CCER1: variants seen among roughly 807,000 people sequenced by gnomAD.
CCER1 encodes the protein coiled-coil domain-containing glutamate-rich protein 1.
For synonymous variants in CCER1, 246 were observed against 213.8 expected (o/e 1.15, Z -1.31); for missense variants, 573 against 524.5 (o/e 1.09, Z -0.90).
rs370409256 is a variant in CCER1 at position 90,953,803 on chromosome 12, C to T, written c.940G>A (p.Val314Ile). ...EEEVEDEEEEVEDEEEEEVEE... is the reference protein window; with the variant it reads ...EEEVEDEEEEIEDEEEEEVEE... ...ACCTCTTCTTCCTCCTCATCTTCGA[C>T]CTCTTCCTCCTCATCTTCGACCTCT... Residue 314 changes from valine (V) to isoleucine (I), a missense_variant, in exon 1 of 1, where the codon GTC (valine) becomes ATC (isoleucine). Transcript: ENST00000358859. 1.1e-5 allele frequency: 16 copies of T among 1,501,594 alleles called. No homozygotes were observed. The East Asian group carries it at 2.9e-4, about 27-fold the overall frequency. The allele number at this position is 1,501,594 out of a possible 1,614,324, so 93.0% of individuals were successfully genotyped here. A position where few individuals can be genotyped will look rare whatever the true frequency, so the allele number is the denominator to read the frequency against.
rs1383568927 is a variant in CCER1 at position 90,952,346 on chromosome 12, G to A, written c.*1176C>T. The stretch of plus-strand genomic sequence containing the variant: ...CTTCAACAAATAAATGCTAACTTGT[G>A]GTTCAAAGTCAAAAGATTTAATTTC... On this transcript the variant is annotated 3_prime_UTR_variant, in exon 1 of 1. Transcript: ENST00000358859. 6.6e-6 allele frequency: 1 copy of A among 152,480 alleles called. No individual in the cohort carries two copies. Among genetic ancestry groups the A allele is most frequent in the Non-Finnish European group, 1.5e-5 (1 of 68,020 alleles). The allele number at this position is 152,480 out of a possible 1,614,324, so 9.4% of individuals were successfully genotyped here.
chr12:90,954,863 G>C lies in CCER1; in HGVS notation c.-121C>G. ...CCTGTCTCTCCACGCAGCGCCACGT[G>C]TCTACCCCTGGGATCACGTTTTCCT... On this transcript the variant is annotated 5_prime_UTR_variant, in exon 1 of 1. Transcript: ENST00000358859. The C allele has an allele frequency of 6.9e-7, 1 of 1,453,654 alleles. No individual in the cohort carries two copies. Among genetic ancestry groups the C allele is most frequent in the Non-Finnish European group, 9.1e-7 (1 of 1,099,858 alleles). 90.0% of individuals were successfully genotyped at this position (1,453,654 alleles called of 1,614,324 possible). A position where few individuals can be genotyped will look rare whatever the true frequency, so the allele number is the denominator to read the frequency against.
chr12:90,954,820 A>G lies in CCER1; in HGVS notation c.-78T>C. The G allele has an allele frequency of 6.8e-7, 1 of 1,477,382 alleles. No individual in the cohort carries two copies. The highest frequency in any genetic ancestry group is 9.0e-7 in the Non-Finnish European group (1 of 1,109,892). 91.5% of individuals were successfully genotyped at this position (1,477,382 alleles called of 1,614,324 possible). ...AGTTTTGCCAGGTAGGACGGTCAGA[A>G]GAGCCTCGTCTCGTCAACCTGTCTC... On this transcript the variant is annotated 5_prime_UTR_variant, in exon 1 of 1. Coordinates refer to ENST00000358859, the MANE Select transcript of CCER1 (RefSeq NM_152638.4).
chr12:90,953,874 T>C lies in CCER1; in HGVS notation c.869A>G (p.Tyr290Cys), dbSNP rs756531709. The change falls in exon 1 of 1, where the codon TAT becomes TGT. Residue 290 changes from tyrosine to cysteine, a missense_variant. Tyr to Cys is a radical substitution (Grantham distance 194, BLOSUM62 -2). Coordinates refer to ENST00000358859, the MANE Select transcript of CCER1 (RefSeq NM_152638.4). ...CTTTGCATCACACACCTCCTGGTCA[T>C]ACTCCTCCTCATCATCATTTTTCTT... ...EEKKNDDEEE[Y>C]DQEVCDAKEA... 3.1e-6 allele frequency: 5 copies of C among 1,612,040 alleles called. No individual in the cohort carries two copies. In the African/African-American group the frequency reaches 6.7e-5, roughly 22 times the overall value.
rs1876615558 is a variant in CCER1 at position 90,955,023 on chromosome 12, G to T, written c.-281C>A. 4 of 540,438 alleles carry T rather than the reference G, an allele frequency of 7.4e-6. No individual in the cohort carries two copies. In the East Asian group the frequency reaches 1.3e-4, roughly 18 times the overall value. The allele number at this position is 540,438 out of a possible 1,614,324, so 33.5% of individuals were successfully genotyped here. A position where few individuals can be genotyped will look rare whatever the true frequency, so the allele number is the denominator to read the frequency against. On this transcript the variant is annotated 5_prime_UTR_variant, in exon 1 of 1. Coordinates refer to ENST00000358859, the MANE Select transcript of CCER1 (RefSeq NM_152638.4). ...AAGGATGGTGGGGGAGGAAGGTGTT[G>T]GCAGGCGACACGCAGTGAGACCCAC...
Position 90,954,987 on chromosome 12 carries a change from T to C in CCER1, c.-245A>G, listed in dbSNP as rs1225137177. 1.8e-5 allele frequency: 12 copies of C among 676,720 alleles called. No homozygotes were observed. The highest frequency in any genetic ancestry group is 1.3e-4 in the Admixed American group (4 of 31,328). The allele number at this position is 676,720 out of a possible 1,614,324, so 41.9% of individuals were successfully genotyped here. A position where few individuals can be genotyped will look rare whatever the true frequency, so the allele number is the denominator to read the frequency against. On this transcript the variant is annotated 5_prime_UTR_variant, in exon 1 of 1. Transcript: ENST00000358859. ...CTCGCCCAGGTGTGCTGGGTGGGAC[T>C]GGGGCTGGGTAAGGATGGTGGGGGA...
chr12:90,955,029 C>A lies in CCER1; in HGVS notation c.-287G>T. ...GGTGGGGGAGGAAGGTGTTGGCAGG[C>A]GACACGCAGTGAGACCCACTCCCGG... On this transcript the variant is annotated 5_prime_UTR_variant, in exon 1 of 1. Transcript: ENST00000358859. 1.9e-6 allele frequency: 1 copy of A among 519,494 alleles called. No individual in the cohort carries two copies. Among genetic ancestry groups the A allele is most frequent in the East Asian group, 3.5e-5 (1 of 28,496 alleles). 32.2% of individuals were successfully genotyped at this position (519,494 alleles called of 1,614,324 possible).
Position 90,954,810 on chromosome 12 carries a change from G to A in CCER1, c.-68C>T. 6.7e-7 allele frequency: 1 copy of A among 1,488,724 alleles called. No homozygotes were observed. The highest frequency in any genetic ancestry group is 9.0e-7 in the Non-Finnish European group (1 of 1,114,940). The allele number at this position is 1,488,724 out of a possible 1,614,324, so 92.2% of individuals were successfully genotyped here. A position where few individuals can be genotyped will look rare whatever the true frequency, so the allele number is the denominator to read the frequency against. On this transcript the variant is annotated 5_prime_UTR_variant, in exon 1 of 1. Coordinates refer to ENST00000358859, the MANE Select transcript of CCER1 (RefSeq NM_152638.4). ...GCTGTCGTCAAGTTTTGCCAGGTAGGACGGTCAGAAGAGCCTCGTCTCGTC... is the reference window on the plus strand; with the variant it reads ...GCTGTCGTCAAGTTTTGCCAGGTAGAACGGTCAGAAGAGCCTCGTCTCGTC...
chr12:90,954,258 G>A lies in CCER1; in HGVS notation c.485C>T (p.Pro162Leu), dbSNP rs200199546. 126 of 1,603,484 alleles carry A rather than the reference G, an allele frequency of 7.9e-5. No individual in the cohort carries two copies. Among genetic ancestry groups the A allele is most frequent in the Non-Finnish European group, 8.1e-5 (95 of 1,178,966 alleles). Residue 162 changes from proline to leucine, a missense_variant, in exon 1 of 1, where the codon CCG (proline) becomes CTG (leucine). Transcript: ENST00000358859. ...HHPRHSYPRSPPADVSTLPRP... is the reference protein window; with the variant it reads ...HHPRHSYPRSLPADVSTLPRP... ...CGGCAGCGTGCTCACATCCGCTGGC[G>A]GGCTCCGCGGGTAGGAGTGGCGAGG...
chr12:90,954,530 G>C lies in CCER1; in HGVS notation c.213C>G (p.His71Gln). ...GPPRKQPKQQHGPGFWFQPPV... is the reference protein window; with the variant it reads ...GPPRKQPKQQQGPGFWFQPPV... Reference sequence around the variant, plus strand: ...GTGGTTGGAACCAAAAGCCCGGGCCGTGCTGTTGCTTCGGCTGCTTCCTTG... The same window carrying C: ...GTGGTTGGAACCAAAAGCCCGGGCCCTGCTGTTGCTTCGGCTGCTTCCTTG... The change falls in exon 1 of 1, where the codon CAC becomes CAG. Residue 71 changes from histidine to glutamine, a missense_variant. His to Gln is a conservative substitution (Grantham distance 24, BLOSUM62 0). Coordinates refer to ENST00000358859, the MANE Select transcript of CCER1 (RefSeq NM_152638.4). 6.2e-7 allele frequency: 1 copy of C among 1,613,208 alleles called. No homozygotes were observed. The highest frequency in any genetic ancestry group is 8.5e-7 in the Non-Finnish European group (1 of 1,179,328).
In CCER1 at chr12:90,954,048, C is replaced by T; in HGVS notation, c.695G>A (p.Gly232Glu). Residue 232 changes from glycine to glutamate, a missense_variant, in exon 1 of 1, where the codon GGA (glycine) becomes GAA (glutamate). Transcript: ENST00000358859. ...SGEASPARSS[G>E]NDAPPGGSKE... Reference sequence around the variant, plus strand: ...GCTGCCGCCAGGGGGCGCGTCGTTTCCGGAGGATCTGGCTGGGGAGGCCTC... The same window carrying T: ...GCTGCCGCCAGGGGGCGCGTCGTTTTCGGAGGATCTGGCTGGGGAGGCCTC... 1 of 1,614,156 alleles carries T rather than the reference C, an allele frequency of 6.2e-7. No homozygotes were observed. Among genetic ancestry groups the T allele is most frequent in the Non-Finnish European group, 8.5e-7 (1 of 1,180,044 alleles).
In CCER1 at chr12:90,953,393, G is replaced by C; in HGVS notation, c.*129C>G. The C allele has an allele frequency of 8.9e-7, 1 of 1,121,690 alleles. No individual in the cohort carries two copies. Among genetic ancestry groups the C allele is most frequent in the Non-Finnish European group, 1.2e-6 (1 of 813,750 alleles). The allele number at this position is 1,121,690 out of a possible 1,614,324, so 69.5% of individuals were successfully genotyped here. A position where few individuals can be genotyped will look rare whatever the true frequency, so the allele number is the denominator to read the frequency against. ...CATCAAATTTTAAACATTTTATAAT[G>C]GCCAAAGAAGGTGTTTACATAGATC... On this transcript the variant is annotated 3_prime_UTR_variant, in exon 1 of 1. Coordinates refer to ENST00000358859, the MANE Select transcript of CCER1 (RefSeq NM_152638.4).
chr12:90,953,644 T>C lies in CCER1; in HGVS notation c.1099A>G (p.Ile367Val). 2 of 1,614,166 alleles carry C rather than the reference T, an allele frequency of 1.2e-6. No homozygotes were observed. Among genetic ancestry groups the C allele is most frequent in the Middle Eastern group, 1.6e-4 (1 of 6,062 alleles). ...FHLPLEMPLS[I>V]FVEAEEKREN... ...CTCTTTTCTTCAGCCTCTACGAAGA[T>C]TGATAAAGGCATTTCCAGAGGCAAG... The change falls in exon 1 of 1, where the codon ATC (isoleucine) becomes GTC (valine). Residue 367 changes from isoleucine (I) to valine (V), a missense_variant. Transcript: ENST00000358859.
chr12:90,954,358 A>G lies in CCER1; in HGVS notation c.385T>C (p.Trp129Arg), dbSNP rs952380701. The change falls in exon 1 of 1, where the codon TGG becomes CGG. Residue 129 changes from tryptophan (W) to arginine (R), a missense_variant. Coordinates refer to ENST00000358859, the MANE Select transcript of CCER1 (RefSeq NM_152638.4). ...GGGGGCTTCACCCAGCCAGGGTTCC[A>G]GGACCCGCTCCAGCAGGAGCAGCAG... Reference protein sequence around the residue: ...FCCCSCWSGSWNPGWVKPPGR... With the variant: ...FCCCSCWSGSRNPGWVKPPGR... The G allele has an allele frequency of 3.1e-6, 5 of 1,609,972 alleles. No homozygotes were observed. Among genetic ancestry groups the G allele is most frequent in the Non-Finnish European group, 4.2e-6 (5 of 1,179,846 alleles).
In CCER1 at chr12:90,953,666, C is replaced by T. The variant is rs1031939041; in HGVS notation, c.1077G>A (p.Leu359=). 1.2e-6 allele frequency: 2 copies of T among 1,614,160 alleles called. No individual in the cohort carries two copies. The part of the protein sequence containing the change: ...ENEQRGEEFH[L]PLEMPLSIFV... ...AGATTGATAAAGGCATTTCCAGAGG[C>T]AAGTGAAATTCTTCCCCTCTCTGCT... The change falls in exon 1 of 1, where the codon TTG becomes TTA. Residue 359 remains leucine, a synonymous_variant. Transcript: ENST00000358859.
rs868224869 is a variant in CCER1 at position 90,954,331 on chromosome 12, C to T, written c.412G>A (p.Gly138Ser). 2 of 1,606,464 alleles carry T rather than the reference C, an allele frequency of 1.2e-6. No individual in the cohort carries two copies. Among genetic ancestry groups the T allele is most frequent in the South Asian group, 2.2e-5 (2 of 90,906 alleles). Reference protein sequence around the residue: ...SWNPGWVKPPGRKKRWGRRGR... With the variant: ...SWNPGWVKPPSRKKRWGRRGR... ...CTGCGGCCCCAGCGCTTCTTCCTGCCTGGGGGCTTCACCCAGCCAGGGTTC... is the reference window on the plus strand; with the variant it reads ...CTGCGGCCCCAGCGCTTCTTCCTGCTTGGGGGCTTCACCCAGCCAGGGTTC... Residue 138 changes from glycine (G) to serine (S), a missense_variant, in exon 1 of 1, where the codon GGC becomes AGC. By Grantham distance (56) the Gly-to-Ser change is moderately conservative. Coordinates refer to ENST00000358859, the MANE Select transcript of CCER1 (RefSeq NM_152638.4).
Position 90,952,260 on chromosome 12 carries a change from G to A in CCER1, c.*1262C>T, listed in dbSNP as rs1876493416. ...TTTAATAGCTCAAGCTTATCACCTTGAAAATTGTAATATATCAGTAACAAC... is the reference window on the plus strand; with the variant it reads ...TTTAATAGCTCAAGCTTATCACCTTAAAAATTGTAATATATCAGTAACAAC... On this transcript the variant is annotated 3_prime_UTR_variant, in exon 1 of 1. Transcript: ENST00000358859. The A allele has an allele frequency of 6.6e-6, 1 of 152,576 alleles. No homozygotes were observed. The highest frequency in any genetic ancestry group is 2.1e-4 in the South Asian group (1 of 4,820). 9.5% of individuals were successfully genotyped at this position (152,576 alleles called of 1,614,324 possible). A position where few individuals can be genotyped will look rare whatever the true frequency, so the allele number is the denominator to read the frequency against.
Position 90,953,447 on chromosome 12 carries a change from C to T in CCER1, c.*75G>A, listed in dbSNP as rs1194423752. On this transcript the variant is annotated 3_prime_UTR_variant, in exon 1 of 1. Transcript: ENST00000358859. ...TTATTAATGGAACTCACTTTTTAAT[C>T]AGTTTTTAATAAATTGCTAATCCAG... is the stretch of plus-strand genomic sequence containing the variant. 13 of 1,486,108 alleles carry T rather than the reference C, an allele frequency of 8.7e-6. No individual in the cohort carries two copies. The Admixed American group carries it at 1.2e-4, about 14-fold the overall frequency. The allele number at this position is 1,486,108 out of a possible 1,614,324, so 92.1% of individuals were successfully genotyped here.
In CCER1 at chr12:90,955,034, C is replaced by A; in HGVS notation, c.-292G>T. On this transcript the variant is annotated 5_prime_UTR_variant, in exon 1 of 1. Coordinates refer to ENST00000358859, the MANE Select transcript of CCER1 (RefSeq NM_152638.4). ...GGGAGGAAGGTGTTGGCAGGCGACA[C>A]GCAGTGAGACCCACTCCCGGGTCCC... 1 of 505,574 alleles carries A rather than the reference C, an allele frequency of 2.0e-6. No homozygotes were observed. The allele number at this position is 505,574 out of a possible 1,614,324, so 31.3% of individuals were successfully genotyped here. A position where few individuals can be genotyped will look rare whatever the true frequency, so the allele number is the denominator to read the frequency against.
Sources: gnomAD v4.1 joint callset for allele counts on GRCh38, gnomAD v4.1.1 for gene constraint, MANE v1.5 for transcripts, NCBI Gene and HGNC (gene_info 2026-07-23, HGNC 2026-07-21) for gene names.